Variants in SAXO2 observed in about 807,000 individuals in gnomAD.
The protein encoded by SAXO2 is stabilizer of axonemal microtubules 2.
Under a neutral mutation model 18.7 loss-of-function variants are expected in SAXO2, and 17 were observed. The ratio of observed to expected loss-of-function variants is 0.91; its 90% CI spans 0.62 to 1.36. SAXO2 has a LOEUF of 1.36. SAXO2 is among the 40% of genes most tolerant of loss of function. The pLI is 0.00. For missense variants in SAXO2, 486 were observed against 562.6 expected (o/e 0.86, Z 1.38); for synonymous variants, 163 against 181.2 (o/e 0.90, Z 0.81).
chr15:82,274,391 T>C (rs2075297175), intron 3 of SAXO2, among the ~76,000 whole-genome samples: 1 of 151,998 alleles, frequency 6.6e-6, no homozygotes, highest in Non-Finnish European at 1.5e-5. Context: ...GTTTTGTAGA[T>C]AACCTATTTA....
intron 2 of SAXO2, among the ~76,000 whole-genome samples, chr15:82,271,295 G>GA (rs1192092256): frequency 6.6e-6 from 1 of 151,794 alleles, no homozygotes; most frequent in East Asian, 1.9e-4. Context: ...TTCCAGGTTA[G>GA]AAAAAAAATC....
intron 3 of SAXO2, 116 bp downstream of exon 3, chr15:82,271,918 G>C: frequency 1.2e-6 from 1 of 837,260 alleles, no homozygotes; most frequent in Non-Finnish European, 1.9e-6. Flanking sequence ...CCATGGCTTA[G>C]GAAAGAACAT....
chr15:82,270,389 G>A (rs1471100084), intron 2 of SAXO2, among the ~76,000 whole-genome samples: 1 of 152,198 alleles, frequency 6.6e-6, no homozygotes, highest in African/African-American at 2.4e-5. Flanking sequence ...GAGAGGTCAG[G>A]TAAGATGAGG....
intron 1 of SAXO2, among the ~76,000 whole-genome samples, chr15:82,264,107 T>C (rs1234258152): frequency 4.7e-5 from 7 of 147,636 alleles, no homozygotes; most frequent in Non-Finnish European, 8.9e-5. Flanking sequence ...AGTCTGGCTC[T>C]CTTGCCAGGC....
intron 2 of SAXO2, 60 bp from the exon 3 acceptor site, chr15:82,271,543 A>T (rs1465009077): frequency 7.3e-7 from 1 of 1,375,636 alleles, no homozygotes; most frequent in Non-Finnish European, 9.9e-7. Flanking sequence ...TCCATACTTC[A>T]TTGAAATAAT....
chr15:82,275,396 G>T (rs1456125444), intron 3 of SAXO2, among the ~76,000 whole-genome samples: 1 of 147,128 alleles, frequency 6.8e-6, no homozygotes, highest in Non-Finnish European at 1.5e-5. Context: ...TCCAAAAATT[G>T]AGGAAGAAGG....
intron 2 of SAXO2, among the ~76,000 whole-genome samples, chr15:82,271,379 A>T (rs1365301087): frequency 9.2e-5 from 14 of 152,190 alleles, no homozygotes; most frequent in Admixed American, 9.2e-4. Flanking sequence ...AAAAACTAGG[A>T]TTTTTGATAT....
intron 3 of SAXO2, among the ~76,000 whole-genome samples, chr15:82,278,270 C>T (rs2075332979): frequency 6.6e-6 from 1 of 152,206 alleles, no homozygotes; most frequent in Admixed American, 6.5e-5. Flanking sequence ...AGGGCAGGTG[C>T]TCTGAGAGAG....
Position 82,271,737 on chromosome 15 carries a change from C to T in SAXO2, c.368C>T (p.Ala123Val), listed in dbSNP as rs145942009. The T allele has an allele frequency of 1.2e-6, 2 of 1,613,982 alleles. No homozygotes were observed. Among genetic ancestry groups the T allele is most frequent in the African/African-American group, 2.7e-5 (2 of 74,912 alleles). ...AATTCGTATAAAGTGCAGCCTGTGG[C>T]AATAGTCCGGCCTTTGGAGAGACAA... is the stretch of plus-strand genomic sequence containing the variant. ...DLNSYKVQPV[A>V]IVRPLERQVK... Residue 123 changes from alanine to valine, a missense_variant, in exon 3 of 4, where the codon GCA (alanine) becomes GTA (valine). Coordinates refer to ENST00000682753, the MANE Select transcript of SAXO2 (RefSeq NM_001348699.2).
At chr15:82,278,222 T>A (rs1161558507) in intron 3 of SAXO2, among the ~76,000 whole-genome samples, 1 of 152,184 alleles carries the variant, frequency 6.6e-6, no homozygotes, top group Non-Finnish European at 1.5e-5. Context: ...GGAAACTGTC[T>A]TGGGACCAAC....
chr15:82,266,674 C>G (rs180851025), intron 2 of SAXO2, among the ~76,000 whole-genome samples: 1 of 152,168 alleles, frequency 6.6e-6, no homozygotes, highest in Non-Finnish European at 1.5e-5. Flanking sequence ...TAGATCTCAA[C>G]TAAATTATCA....
At chr15:82,278,543 A>G (rs1019405850) in intron 3 of SAXO2, among the ~76,000 whole-genome samples, 1 of 152,258 alleles carries the variant, frequency 6.6e-6, no homozygotes, top group African/African-American at 2.4e-5. Context: ...GAACGACACT[A>G]TCAACAATGT....
chr15:82,279,202 A>C (rs1304403127), intron 3 of SAXO2, among the ~76,000 whole-genome samples: 1 of 152,212 alleles, frequency 6.6e-6, no homozygotes, highest in Non-Finnish European at 1.5e-5. Flanking sequence ...AATAGACCTT[A>C]TAGACGTTTA....
intron 1 of SAXO2, among the ~76,000 whole-genome samples, chr15:82,264,120 G>T (rs989572312): frequency 2.0e-5 from 3 of 147,300 alleles, no homozygotes; most frequent in Non-Finnish European, 4.5e-5. Context: ...TGCCAGGCTG[G>T]AGTGCAGTGG....
intron 2 of SAXO2, among the ~76,000 whole-genome samples, chr15:82,267,980 C>T (rs2075235487): frequency 6.6e-6 from 1 of 152,178 alleles, no homozygotes; most frequent in Non-Finnish European, 1.5e-5. Flanking sequence ...ATGAGGATGA[C>T]ATGGAACATA....
At chr15:82,265,920 ATTAAG>A (rs1440469932) in intron 2 of SAXO2, among the ~76,000 whole-genome samples, 172 bp downstream of exon 2, 2 of 152,068 alleles carry the variant, frequency 1.3e-5, no homozygotes. Flanking sequence ...AAAAATGAGA[ATTAAG>A]TTAGGTTGAC....
At chr15:82,266,940 C>A (rs2075223973) in intron 2 of SAXO2, among the ~76,000 whole-genome samples, 1 of 152,166 alleles carries the variant, frequency 6.6e-6, no homozygotes, top group Non-Finnish European at 1.5e-5. Flanking sequence ...TTTGGACTTA[C>A]CTTTTTTGAT....
At chr15:82,263,158 A>T in intron 1 of SAXO2, 1 of 1,455,234 alleles carries the variant, frequency 6.9e-7, no homozygotes, top group Non-Finnish European at 9.0e-7. Flanking sequence ...CTCCCAATCA[A>T]GGATGCAAAG....
chr15:82,279,739 A>G (rs1456660466), intron 3 of SAXO2, among the ~76,000 whole-genome samples: 1 of 152,188 alleles, frequency 6.6e-6, no homozygotes, highest in Non-Finnish European at 1.5e-5. Flanking sequence ...CACCACAGGG[A>G]GCAGTCCCAA....
Sources: allele counts gnomAD v4.1 joint callset (sites outside exome capture counted in the v4.1 genomes callset), GRCh38; gene constraint gnomAD v4.1.1; transcripts MANE v1.5; gene names NCBI Gene and HGNC (gene_info 2026-07-23, HGNC 2026-07-21).